Variants in ASTL observed in about 807,000 individuals in gnomAD.
ASTL encodes astacin-like metalloendopeptidase.
ASTL carries 27 observed loss-of-function variants against 36.7 expected under a neutral mutation model. The observed-to-expected ratio is 0.73, with a 90% CI of 0.54 to 1.01. The LOEUF is 1.01. ASTL is among the 50% of genes least tolerant of loss of function. The pLI is 0.00. For missense variants in ASTL, 524 were observed against 572.8 expected (o/e 0.91, Z 0.87); for synonymous variants, 222 against 228.1 (o/e 0.97, Z 0.24).
At chr2:96,138,316 T>TGGGGAGAG in intron 1 of ASTL, 66 bp downstream of exon 1, 1 of 1,451,416 alleles carries the variant, frequency 6.9e-7, no homozygotes, top group Non-Finnish European at 9.5e-7. Context: ...AGCCACAACC[T>TGGGGAGAG]TCTAGCCTCT....
Position 96,133,487 on chromosome 2 carries a change from C to A in ASTL, c.393G>T (p.Thr131=), listed in dbSNP as rs754705541. 1.2e-6 allele frequency: 2 copies of A among 1,614,060 alleles called. No homozygotes were observed. The highest frequency in any genetic ancestry group is 2.2e-5 in the East Asian group (1 of 44,898). ...LEALAEFERS[T]CIRFVTYQDQ... Reference sequence around the variant, plus strand: ...CCTGATAGGTGACAAACCTGATGCACGTGGAACGTTCAAACTCCGCAAGAG... The same window carrying A: ...CCTGATAGGTGACAAACCTGATGCAAGTGGAACGTTCAAACTCCGCAAGAG... Residue 131 remains threonine (T), a synonymous_variant, in exon 5 of 9, where the codon ACG becomes ACT. Coordinates refer to ENST00000342380, the MANE Select transcript of ASTL (RefSeq NM_001002036.4).
chr2:96,133,274 G>T, intron 5 of ASTL, 151 bp downstream of exon 5: 1 of 687,038 alleles, frequency 1.5e-6, no homozygotes, highest in Non-Finnish European at 2.6e-6. Flanking sequence ...CGCCCTGGAG[G>T]TCCAGCTCAC....
rs1046864980 is a variant in ASTL, at chr2:96,132,228, T to G, written c.637+312A>C. ...TAGAGTACTCAACAAGCAGGTATCA[T>G]GGGCACTGCCTGCCCCATCGCCAGG... On this transcript the variant is annotated intron_variant, in intron 6 of 8. Transcript: ENST00000342380. The surrounding 1 kb of genome is among the most constrained non-coding windows in gnomAD (Gnocchi z 5.4). Among the ~76,000 whole-genome samples the G allele has an allele frequency of 2.6e-5, 4 of 152,220 alleles. No individual in the cohort carries two copies. Among genetic ancestry groups the G allele is most frequent in the Non-Finnish European group, 2.9e-5 (2 of 68,034 alleles).
chr2:96,128,719 GT>G (rs1366455628), intron 8 of ASTL, among the ~76,000 whole-genome samples: 1 of 152,166 alleles, frequency 6.6e-6, no homozygotes, highest in Non-Finnish European at 1.5e-5. Flanking sequence ...AGTCTTTTTA[GT>G]TTTTCCTTCA....
rs1360709904 is a variant in ASTL at position 96,133,413 on chromosome 2, C to G, written c.455+12G>C. On this transcript the variant is annotated intron_variant, in intron 5 of 8. Transcript: ENST00000342380. ...AGCGAGCTGAGATACGCATCCTGGC[C>G]CCGGCACTTACCCATACATGGGGAT... The G allele has an allele frequency of 6.5e-7, 1 of 1,543,744 alleles. No homozygotes were observed. Among genetic ancestry groups the G allele is most frequent in the Non-Finnish European group, 9.0e-7 (1 of 1,115,840 alleles).
Position 96,132,795 on chromosome 2 carries a change from TC to T in ASTL, c.456-75del. ...CGGACATACAGACCTGGGCTCTCCC[TC>T]CCCACACAACACAAGATAGACAAAC... On this transcript the variant is annotated intron_variant, in intron 5 of 8. Coordinates refer to ENST00000342380, the MANE Select transcript of ASTL (RefSeq NM_001002036.4). This position sits in a 1 kb window ranked among gnomAD's most constrained non-coding sequence, Gnocchi z 5.4. 1 of 1,382,288 alleles carries T rather than the reference TC, an allele frequency of 7.2e-7. No homozygotes were observed. The highest frequency in any genetic ancestry group is 1.4e-5 in the South Asian group (1 of 73,880). The allele number at this position is 1,382,288 out of a possible 1,614,324, so 85.6% of individuals were successfully genotyped here.
rs1026426413 is a variant in ASTL, at chr2:96,124,874, G to A, written c.875-603C>T. Among the ~76,000 whole-genome samples, 1 of 152,130 alleles carries A rather than the reference G, an allele frequency of 6.6e-6. No individual in the cohort carries two copies. Among genetic ancestry groups the A allele is most frequent in the Non-Finnish European group, 1.5e-5 (1 of 68,006 alleles). On this transcript the variant is annotated intron_variant, in intron 8 of 8. Coordinates refer to ENST00000342380, the MANE Select transcript of ASTL (RefSeq NM_001002036.4). The surrounding 1 kb of genome is among the most constrained non-coding windows in gnomAD (Gnocchi z 4.1). ...GCATGCAGCGAGGGCTTCACCAGGA[G>A]CCTCTTCCCTCAGCTGACCCTGACC... is the stretch of plus-strand genomic sequence containing the variant.
chr2:96,137,005 C>T (rs927215502), intron 2 of ASTL, among the ~76,000 whole-genome samples: 8 of 152,138 alleles, frequency 5.3e-5, no homozygotes, highest in African/African-American at 1.9e-4. Context: ...CCACCACGCC[C>T]GGCTAATTTT....
In ASTL at chr2:96,132,640, A is replaced by G. The variant is rs750956004; in HGVS notation, c.537T>C (p.Ile179=). Residue 179 remains isoleucine, a synonymous_variant, in exon 6 of 9, where the codon ATT becomes ATC. Transcript: ENST00000342380. The surrounding 1 kb of genome is among the most constrained non-coding windows in gnomAD (Gnocchi z 5.4). The part of the protein sequence containing the change: ...APTCLQKGRG[I]VLHELMHVLG... ...GCACATGCATGAGCTCATGAAGGAC[A>G]ATGCCCCGGCCCTTCTGGAGACACG... 1 of 1,613,682 alleles carries G rather than the reference A, an allele frequency of 6.2e-7. No individual in the cohort carries two copies. Among genetic ancestry groups the G allele is most frequent in the South Asian group, 1.1e-5 (1 of 91,086 alleles).
At chr2:96,136,197 C>T (rs547597240) in intron 2 of ASTL, among the ~76,000 whole-genome samples, 32 of 152,344 alleles carry the variant, frequency 2.1e-4, no homozygotes, top group African/African-American at 4.8e-4. Flanking sequence ...ATCCCATGGG[C>T]GCTCCAGACC....
intron 8 of ASTL, among the ~76,000 whole-genome samples, chr2:96,129,040 T>TA (rs988406747): frequency 4.4e-4 from 62 of 140,674 alleles, no homozygotes; most frequent in Admixed American, 6.4e-4. Flanking sequence ...ACTCCATCTT[T>TA]AAAAAAAAAA....
chr2:96,137,433 C>T (rs1424090409), intron 2 of ASTL, 142 bp downstream of exon 2: 4 of 959,696 alleles, frequency 4.2e-6, no homozygotes, highest in Non-Finnish European at 6.3e-6. Context: ...AGCAACACCA[C>T]TCCATCTCTT....
Position 96,134,229 on chromosome 2 carries a change from C to T in ASTL, c.244-171G>A, listed in dbSNP as rs572533534. Reference sequence around the variant, plus strand: ...GGACAGAGCTGTGGAAGGCAAGGGGCCAGCTACATGAACCTTGATGCACAA... The same window carrying T: ...GGACAGAGCTGTGGAAGGCAAGGGGTCAGCTACATGAACCTTGATGCACAA... On this transcript the variant is annotated intron_variant, in intron 3 of 8. Coordinates refer to ENST00000342380, the MANE Select transcript of ASTL (RefSeq NM_001002036.4). Among the ~76,000 whole-genome samples, 4 of 152,314 alleles carry T rather than the reference C, an allele frequency of 2.6e-5. No homozygotes were observed. The South Asian group carries it at 8.3e-4, about 32-fold the overall frequency.
At chr2:96,131,317 C>T (rs1682174547) in intron 6 of ASTL, among the ~76,000 whole-genome samples, 1 of 152,102 alleles carries the variant, frequency 6.6e-6, no homozygotes, top group African/African-American at 2.4e-5. Flanking sequence ...TGTACTTTAA[C>T]TCCAGAGCTG....
rs1037779157 is a variant in ASTL, at chr2:96,123,988, G to C, written c.1158C>G (p.Ser386=). 2.5e-6 allele frequency: 4 copies of C among 1,614,066 alleles called. No individual in the cohort carries two copies. Among genetic ancestry groups the C allele is most frequent in the Non-Finnish European group, 3.4e-6 (4 of 1,179,994 alleles). Residue 386 remains serine, a synonymous_variant, in exon 9 of 9, where the codon TCC becomes TCG. Transcript: ENST00000342380. The part of the protein sequence containing the change: ...AGAPGVAQEQ[S]WLAGVSTKPT... ...GCTTGGTGGACACTCCGGCCAGCCA[G>C]GACTGCTCCTGAGCAACACCGGGGG...
In ASTL at chr2:96,132,505, C is replaced by T. The variant is rs376251705; in HGVS notation, c.637+35G>A. The stretch of plus-strand genomic sequence containing the variant: ...GGCCCAAGCCGTGCTGTCCCCTCCC[C>T]GGCACCAGCCTGTCCTGCGTGTGGC... On this transcript the variant is annotated intron_variant, in intron 6 of 8. Coordinates refer to ENST00000342380, the MANE Select transcript of ASTL (RefSeq NM_001002036.4). The surrounding 1 kb of genome is among the most constrained non-coding windows in gnomAD (Gnocchi z 5.4). The T allele has an allele frequency of 2.8e-5, 44 of 1,547,502 alleles. No individual in the cohort carries two copies. The highest frequency in any genetic ancestry group is 2.2e-4 in the African/African-American group (16 of 73,744).
At position 96,137,636 on chromosome 2, in the gene ASTL, A is replaced by G. The variant is rs770703933; in HGVS notation, c.120T>C (p.Asp40=). Residue 40 remains aspartate, a synonymous_variant, in exon 2 of 9, where the codon GAT becomes GAC. Transcript: ENST00000342380. ...CAGACGTSFP[D]GLTPEGTQAS... is the part of the protein sequence containing the mutation. ...CCTGGGTTCCCTCAGGGGTGAGGCCATCTGGGAAGCTGGTACCACAGGCTC... is the reference window on the plus strand; with the variant it reads ...CCTGGGTTCCCTCAGGGGTGAGGCCGTCTGGGAAGCTGGTACCACAGGCTC... The G allele has an allele frequency of 1.9e-6, 3 of 1,613,850 alleles. No individual in the cohort carries two copies. The highest frequency in any genetic ancestry group is 4.5e-5 in the East Asian group (2 of 44,888).
intron 2 of ASTL, 66 bp downstream of exon 2, chr2:96,137,509 C>T (rs1006559919): frequency 1.2e-5 from 18 of 1,546,002 alleles, no homozygotes; most frequent in African/African-American, 5.5e-5. Flanking sequence ...TCTGAGTGTT[C>T]GGTGTGGTTT....
At position 96,123,473 on chromosome 2, in the gene ASTL, T is replaced by TG. The variant is rs1015346164; in HGVS notation, c.*376dup. On this transcript the variant is annotated 3_prime_UTR_variant, in exon 9 of 9. Coordinates refer to ENST00000342380, the MANE Select transcript of ASTL (RefSeq NM_001002036.4). Reference sequence around the variant, plus strand: ...AGGTAGGGACACCATTAGTCCATGCTGGGGGGCAGGGCCTCAGGCACAGGA... The same window carrying TG: ...AGGTAGGGACACCATTAGTCCATGCTGGGGGGGCAGGGCCTCAGGCACAGGA... 4.6e-5 allele frequency among the ~76,000 whole-genome samples: 7 copies of TG among 152,228 alleles called. No individual in the cohort carries two copies. The highest frequency in any genetic ancestry group is 2.6e-4 in the Admixed American group (4 of 15,304).
Sources: allele counts gnomAD v4.1 joint callset (sites outside exome capture counted in the v4.1 genomes callset), GRCh38; gene constraint gnomAD v4.1.1; non-coding constraint Gnocchi (gnomAD v3.1); transcripts MANE v1.5; gene names NCBI Gene and HGNC (gene_info 2026-07-23, HGNC 2026-07-21).